Variants in YPEL2 observed in about 807,000 individuals in gnomAD.
The protein encoded by YPEL2 is yippee like 2, also known as protein yippee-like 2.
YPEL2 carries 2 observed loss-of-function variants against 19.1 expected under a neutral mutation model. The ratio of observed to expected loss-of-function variants is 0.10; its 90% confidence interval spans 0.04 to 0.33. The LOEUF (loss-of-function observed/expected upper bound fraction) is 0.33. YPEL2 is among the 10% of genes least tolerant of loss of function. YPEL2 has a pLI of 1.00. For synonymous variants in YPEL2, 52 were observed against 50.0 expected (o/e 1.04, Z -0.17); for missense variants, 66 against 140.7 (o/e 0.47, Z 2.68).
chr17:59,392,591 A>G (rs763086598), intron 4 of YPEL2, among the ~76,000 whole-genome samples: 9 of 146,170 alleles, frequency 6.2e-5, no homozygotes, highest in Non-Finnish European at 1.0e-4. Flanking sequence ...GCTTACTGCA[A>G]CCTCCACCTC....
At chr17:59,389,535 A>G in intron 4 of YPEL2, 67 bp downstream of exon 4, 2 of 1,216,422 alleles carry the variant, frequency 1.6e-6, no homozygotes, top group South Asian at 1.2e-5. Flanking sequence ...ATGCCAGAAC[A>G]CTTTCTTCTA....
chr17:59,333,346 G>A (rs1180084020), intron 1 of YPEL2, among the ~76,000 whole-genome samples: 1 of 152,242 alleles, frequency 6.6e-6, no homozygotes, highest in Non-Finnish European at 1.5e-5. Context: ...GTTGGGCTTT[G>A]CCGCCGCAGG....
At chr17:59,391,319 G>C (rs1232565191) in intron 4 of YPEL2, among the ~76,000 whole-genome samples, 1 of 152,156 alleles carries the variant, frequency 6.6e-6, no homozygotes, top group African/African-American at 2.4e-5. Context: ...TTGATAGTGG[G>C]GGAGTCTGGA....
chr17:59,392,507 G>GTTTTTTTT (rs3063116), intron 4 of YPEL2, among the ~76,000 whole-genome samples: 4 of 103,176 alleles, frequency 3.9e-5, no homozygotes, highest in African/African-American at 8.2e-5. Flanking sequence ...CTCAGGGCAC[G>GTTTTTTTT]TTTTTTTTTT....
In YPEL2 at chr17:59,357,931, A is replaced by G. The variant is rs549811644; in HGVS notation, c.117+4405A>G. On this transcript the variant is annotated intron_variant, in intron 2 of 4. Transcript: ENST00000312655. ...GTAGGGTGCTGTAGAGGGGTAGTCC[A>G]GTGGAGGTGGGATGAGGAAACCTTT... 9.8e-5 allele frequency among the ~76,000 whole-genome samples: 15 copies of G among 152,306 alleles called. No homozygotes were observed. The East Asian group carries it at 1.5e-3, about 16-fold the overall frequency.
At chr17:59,347,200 G>A (rs1379898437) in intron 1 of YPEL2, among the ~76,000 whole-genome samples, 2 of 152,300 alleles carry the variant, frequency 1.3e-5, no homozygotes, top group South Asian at 2.1e-4. Flanking sequence ...TCTATTTTTT[G>A]TGAGGAAAGT....
intron 4 of YPEL2, among the ~76,000 whole-genome samples, chr17:59,389,969 C>T (rs1199181064): frequency 6.6e-6 from 1 of 152,006 alleles, no homozygotes; most frequent in Admixed American, 6.6e-5. Context: ...ACACAGAGCC[C>T]ATGCTGTTTT....
chr17:59,338,395 T>G (rs1253087726), intron 1 of YPEL2, among the ~76,000 whole-genome samples: 1 of 152,200 alleles, frequency 6.6e-6, no homozygotes, highest in Non-Finnish European at 1.5e-5. Flanking sequence ...ACCTTTCTAG[T>G]GATTGGTATT....
At position 59,397,934 on chromosome 17, in the gene YPEL2, C is replaced by A. The variant is rs940792317; in HGVS notation, c.*744C>A. 4 of 152,194 alleles carry A rather than the reference C, an allele frequency of 2.6e-5. No individual in the cohort carries two copies. The highest frequency in any genetic ancestry group is 4.8e-5 in the African/African-American group (2 of 41,424). The allele number at this position is 152,194 out of a possible 1,614,324, so 9.4% of individuals were successfully genotyped here. ...CCTCACTCAGTCTCTGGGCAATCAT[C>A]ATCTTTGCCTCTAGCCACCGTAGAT... On this transcript the variant is annotated 3_prime_UTR_variant, in exon 5 of 5. Transcript: ENST00000312655.
At chr17:59,346,363 AAGAAT>A (rs1429193104) in intron 1 of YPEL2, among the ~76,000 whole-genome samples, 1 of 152,216 alleles carries the variant, frequency 6.6e-6, no homozygotes, top group Non-Finnish European at 1.5e-5. Context: ...CAGCAGTGTA[AAGAAT>A]AGGCATGGAT....
intron 4 of YPEL2, among the ~76,000 whole-genome samples, chr17:59,389,992 C>T (rs1051187111): frequency 3.3e-5 from 5 of 151,970 alleles, no homozygotes; most frequent in African/African-American, 1.2e-4. Flanking sequence ...AAATATTAGG[C>T]AAATTTATTT....
In YPEL2 at chr17:59,388,318, G is replaced by A; in HGVS notation, c.118-9G>A. On this transcript the variant is annotated splice_polypyrimidine_tract_variant and intron_variant, in intron 2 of 4. Transcript: ENST00000312655. ...TGTCTAACTATCGATTTGTTTTCTTGCATTTCAGTCATTCCAAGGAAGTCA... is the reference window on the plus strand; with the variant it reads ...TGTCTAACTATCGATTTGTTTTCTTACATTTCAGTCATTCCAAGGAAGTCA... 1 of 1,614,038 alleles carries A rather than the reference G, an allele frequency of 6.2e-7. No individual in the cohort carries two copies. The highest frequency in any genetic ancestry group is 8.5e-7 in the Non-Finnish European group (1 of 1,179,966).
In YPEL2 at chr17:59,358,874, C is replaced by T. The variant is rs1389352744; in HGVS notation, c.117+5348C>T. Among the ~76,000 whole-genome samples, 6 of 150,744 alleles carry T rather than the reference C, an allele frequency of 4.0e-5. No individual in the cohort carries two copies. The East Asian group carries it at 9.8e-4, about 25-fold the overall frequency. ...CCGCCCACCTCGGCCTCTTAAAGTGCTGGGATTACAGGCGTGAGCCACTGC... is the reference window on the plus strand; with the variant it reads ...CCGCCCACCTCGGCCTCTTAAAGTGTTGGGATTACAGGCGTGAGCCACTGC... On this transcript the variant is annotated intron_variant, in intron 2 of 4. Transcript: ENST00000312655.
intron 2 of YPEL2, among the ~76,000 whole-genome samples, chr17:59,370,616 G>A (rs764342677): frequency 2.6e-5 from 4 of 152,090 alleles, no homozygotes; most frequent in African/African-American, 4.8e-5. Context: ...TGTCTGCCTC[G>A]CTTTGAAATC....
chr17:59,379,846 A>G (rs2047939633), intron 2 of YPEL2, among the ~76,000 whole-genome samples: 1 of 50,346 alleles, frequency 2.0e-5, no homozygotes, highest in African/African-American at 1.3e-4. Flanking sequence ...GCACATCAAT[A>G]AGTTTGGGGT....
chr17:59,388,848 A>G (rs1274502963), intron 3 of YPEL2: 3 of 195,618 alleles, frequency 1.5e-5, no homozygotes, highest in Non-Finnish European at 3.2e-5. Context: ...AAGCCTACAT[A>G]AGCCTGATAA....
intron 2 of YPEL2, among the ~76,000 whole-genome samples, chr17:59,383,810 T>C (rs1301702313): frequency 6.6e-6 from 1 of 151,480 alleles, no homozygotes; most frequent in African/African-American, 2.4e-5. Flanking sequence ...CTTCTTAGCA[T>C]AATGTATTTC....
chr17:59,366,398 C>G (rs537040083), intron 2 of YPEL2, among the ~76,000 whole-genome samples: 3 of 152,258 alleles, frequency 2.0e-5, no homozygotes, highest in African/African-American at 7.2e-5. Flanking sequence ...GAGCCTGGCC[C>G]CTAAGGTTAT....
chr17:59,370,366 A>C (rs889737254), intron 2 of YPEL2, among the ~76,000 whole-genome samples: 14 of 152,278 alleles, frequency 9.2e-5, no homozygotes, highest in Middle Eastern at 3.4e-3. Context: ...CCCAGCCAGA[A>C]TTTTTATTTT....
Sources: allele counts gnomAD v4.1 joint callset (sites outside exome capture counted in the v4.1 genomes callset), GRCh38; gene constraint gnomAD v4.1.1; transcripts MANE v1.5; gene names NCBI Gene and HGNC (gene_info 2026-07-23, HGNC 2026-07-21).